PSME4: variants seen among roughly 807,000 people sequenced by gnomAD.
The protein encoded by PSME4 is proteasome activator complex subunit 4.
Under a neutral mutation model 253.9 loss-of-function variants are expected in PSME4, and 89 were observed. The ratio of observed to expected loss-of-function variants is 0.35; its 90% CI spans 0.30 to 0.42. The LOEUF is 0.42. PSME4 is among the 10% of genes least tolerant of loss of function. The pLI is 1.00. For synonymous variants in PSME4, 851 were observed against 759.2 expected (o/e 1.12, Z -1.99); for missense variants, 2,014 against 2,195.2 (o/e 0.92, Z 1.65).
intron 43 of PSME4, chr2:53,870,704 T>C (rs527503673): frequency 3.3e-5 from 5 of 152,266 alleles, no homozygotes; most frequent in Admixed American, 3.3e-4. Context: ...AAATACTGAC[T>C]AGATTGCTTT....
chr2:53,908,267 T>TTA, intron 24 of PSME4, 53 bp downstream of exon 24: 1 of 1,386,578 alleles, frequency 7.2e-7, no homozygotes, highest in Non-Finnish European at 1.0e-6. Flanking sequence ...AATTACGAGG[T>TTA]TATTATACGA....
At chr2:53,944,992 A>C (rs910321136) in intron 3 of PSME4, among the ~76,000 whole-genome samples, 13 of 152,208 alleles carry the variant, frequency 8.5e-5, no homozygotes, top group Non-Finnish European at 1.5e-5. Context: ...TTAAAAATAA[A>C]TTTTAAAAAG....
chr2:53,967,649 C>CAAAAAAAAAAAA lies in PSME4; in HGVS notation c.242+2882_242+2893dup, dbSNP rs71408747. Among the ~76,000 whole-genome samples, 9 of 21,554 alleles carry CAAAAAAAAAAAA rather than the reference C, an allele frequency of 4.2e-4. 1 individual carries two copies. The highest frequency in any genetic ancestry group is 5.6e-4 in the African/African-American group (3 of 5,326). The allele number at this position is 21,554 out of a possible 152,430, so 14.1% of individuals were successfully genotyped here. A position where few individuals can be genotyped will look rare whatever the true frequency, so the allele number is the denominator to read the frequency against. On this transcript the variant is annotated intron_variant, in intron 1 of 46. Transcript: ENST00000404125. ...TCTGGGCAACAGAGTGAGATTGTCTCAAAAAAAAAAAAAAAAAAAAAAAAA... is the reference window on the plus strand; with the variant it reads ...TCTGGGCAACAGAGTGAGATTGTCTCAAAAAAAAAAAAAAAAAAAAAAAAAAAAAAAAAAAAA...
intron 5 of PSME4, 62 bp downstream of exon 5, chr2:53,937,329 A>T: frequency 7.3e-7 from 1 of 1,371,452 alleles, no homozygotes; most frequent in Non-Finnish European, 9.9e-7. Context: ...TTGTTTTACT[A>T]GTTTCTTTAT....
intron 3 of PSME4, among the ~76,000 whole-genome samples, chr2:53,941,890 T>A (rs774095289): frequency 5.3e-5 from 8 of 152,160 alleles, no homozygotes; most frequent in Non-Finnish European, 1.2e-4. Context: ...TATACCAATA[T>A]ACTTTCGCAT....
intron 20 of PSME4, among the ~76,000 whole-genome samples, chr2:53,911,446 G>C (rs1023935151): frequency 1.3e-5 from 2 of 152,144 alleles, no homozygotes; most frequent in Non-Finnish European, 2.9e-5. Context: ...TCAAAAATAT[G>C]TATGTATCCA....
chr2:53,939,944 G>C lies in PSME4; in HGVS notation c.545+12C>G. The C allele has an allele frequency of 1.3e-6, 2 of 1,582,008 alleles. No homozygotes were observed. The highest frequency in any genetic ancestry group is 1.7e-6 in the Non-Finnish European group (2 of 1,153,610). ...AACAACAAGAGGCTTTATAAATTGAGAAGCTACTTACGGTCGGCAGCTTTT... is the reference window on the plus strand; with the variant it reads ...AACAACAAGAGGCTTTATAAATTGACAAGCTACTTACGGTCGGCAGCTTTT... On this transcript the variant is annotated intron_variant, in intron 4 of 46. Transcript: ENST00000404125.
rs1414462370 is a variant in PSME4 at position 53,940,982 on chromosome 2, T to C, written c.501-982A>G. On this transcript the variant is annotated intron_variant, in intron 3 of 46. Transcript: ENST00000404125. ...ATATATATATATATATATATATATATATATATATATATATATATGAAAGGA... is the reference window on the plus strand; with the variant it reads ...ATATATATATATATATATATATATACATATATATATATATATATGAAAGGA... Among the ~76,000 whole-genome samples, 8 of 79,822 alleles carry C rather than the reference T, an allele frequency of 1.0e-4. 2 individuals carry two copies. Among genetic ancestry groups the C allele is most frequent in the Admixed American group, 1.5e-4 (1 of 6,588 alleles). The allele number at this position is 79,822 out of a possible 152,430, so 52.4% of individuals were successfully genotyped here. A position where few individuals can be genotyped will look rare whatever the true frequency, so the allele number is the denominator to read the frequency against.
chr2:53,897,759 A>G, intron 31 of PSME4, 111 bp downstream of exon 31: 2 of 1,232,276 alleles, frequency 1.6e-6, no homozygotes, highest in East Asian at 2.4e-5. Flanking sequence ...TCAAATCAAT[A>G]CACTTCAAGA....
At chr2:53,882,906 A>AAAAT (rs1157830140) in intron 41 of PSME4, among the ~76,000 whole-genome samples, 1 of 145,484 alleles carries the variant, frequency 6.9e-6, no homozygotes. Context: ...AATACAAAAA[A>AAAAT]AAATAAATAA....
At chr2:53,958,852 T>G (rs990873258) in intron 1 of PSME4, among the ~76,000 whole-genome samples, 1 of 149,694 alleles carries the variant, frequency 6.7e-6, no homozygotes, top group African/African-American at 2.4e-5. Flanking sequence ...CCTTCCTGTA[T>G]AGCATCCAGA....
At chr2:53,970,222 T>C (rs1670990813) in intron 1 of PSME4, among the ~76,000 whole-genome samples, 1 of 152,120 alleles carries the variant, frequency 6.6e-6, no homozygotes, top group South Asian at 2.1e-4. Context: ...TGAGAAAGGC[T>C]CACCTCTCTC....
In PSME4 at chr2:53,869,482, G is replaced by A. The variant is rs761797223; in HGVS notation, c.5157C>T (p.Thr1719=). ...LSGLLQCNFL[T]MDSPMQIHFE... Reference sequence around the variant, plus strand: ...AATGAATCTGCATAGGACTGTCCATGGTAAGAAAGTTACACTGTAGCAGAC... The same window carrying A: ...AATGAATCTGCATAGGACTGTCCATAGTAAGAAAGTTACACTGTAGCAGAC... Residue 1719 remains threonine (T), a synonymous_variant, in exon 44 of 47, where the codon ACC becomes ACT. Coordinates refer to ENST00000404125, the MANE Select transcript of PSME4 (RefSeq NM_014614.3). 1 of 1,594,950 alleles carries A rather than the reference G, an allele frequency of 6.3e-7. No individual in the cohort carries two copies. Among genetic ancestry groups the A allele is most frequent in the Non-Finnish European group, 8.6e-7 (1 of 1,166,622 alleles).
chr2:53,930,004 C>T (rs1668747465), intron 10 of PSME4, among the ~76,000 whole-genome samples: 1 of 151,474 alleles, frequency 6.6e-6, no homozygotes, highest in Non-Finnish European at 1.5e-5. Flanking sequence ...GGCAACAGAG[C>T]AAGAGTCTGT....
intron 7 of PSME4, among the ~76,000 whole-genome samples, chr2:53,935,424 C>T (rs1258223071): frequency 6.6e-6 from 1 of 152,124 alleles, no homozygotes; most frequent in Non-Finnish European, 1.5e-5. Context: ...TAAGTGTGTG[C>T]ATCAGAATCA....
intron 1 of PSME4, among the ~76,000 whole-genome samples, chr2:53,956,101 A>G (rs968186446): frequency 6.6e-6 from 1 of 152,110 alleles, no homozygotes; most frequent in African/African-American, 2.4e-5. Flanking sequence ...TGGGCAACAT[A>G]GCAAAACCAC....
intron 29 of PSME4, among the ~76,000 whole-genome samples, chr2:53,898,976 G>C (rs1680267607): frequency 2.0e-5 from 3 of 151,806 alleles, no homozygotes; most frequent in Admixed American, 6.6e-5. Context: ...ATGTGTACCA[G>C]TTATGTAGTT....
intron 1 of PSME4, among the ~76,000 whole-genome samples, chr2:53,951,287 T>G (rs1394072882): frequency 6.6e-6 from 1 of 152,232 alleles, no homozygotes; most frequent in Non-Finnish European, 1.5e-5. Flanking sequence ...TTCACCATGT[T>G]GGCCAGGCTG....
chr2:53,868,557 T>C (rs1419371626), intron 44 of PSME4, among the ~76,000 whole-genome samples: 1 of 108,954 alleles, frequency 9.2e-6, no homozygotes, highest in African/African-American at 3.7e-5. Context: ...ATATTTATAA[T>C]ATATATAATA....
Sources: gnomAD v4.1 joint callset for allele counts (sites outside exome capture counted in the v4.1 genomes callset) on GRCh38, gnomAD v4.1.1 for gene constraint, MANE v1.5 for transcripts, NCBI Gene and HGNC (gene_info 2026-07-23, HGNC 2026-07-21) for gene names.